The following DENND4A variants were observed in gnomAD, a reference collection of about 807,000 sequenced individuals.
The protein encoded by DENND4A is DENN domain containing 4A, also known as C-myc promoter-binding protein.
DENND4A carries 70 observed loss-of-function variants against 199.3 expected under a neutral mutation model. That is an observed-to-expected ratio of 0.35 (90% CI 0.29 to 0.43). DENND4A has a LOEUF of 0.43. Ranked by LOEUF, DENND4A falls within the 20% of genes least tolerant of loss-of-function variation. DENND4A has a pLI of 1.00. For synonymous variants in DENND4A, 686 were observed against 766.9 expected (o/e 0.89, Z 1.74); for missense variants, 1,723 against 2,255.8 (o/e 0.76, Z 4.78).
At position 65,733,640 on chromosome 15, in the gene DENND4A, T is replaced by C. The variant is rs150675478; in HGVS notation, c.1041-822A>G. 3.1e-3 allele frequency among the ~76,000 whole-genome samples: 469 copies of C among 152,260 alleles called. 2 individuals carry two copies. Among genetic ancestry groups the C allele is most frequent in the African/African-American group, 0.011 (450 of 41,572 alleles). On this transcript the variant is annotated intron_variant, in intron 7 of 32. Transcript: ENST00000443035. ...TAAAAAAGTCATAAAAAGCCACCAA[T>C]GTCTACCATTAATGTGGGGAAAAGC...
intron 1 of DENND4A, among the ~76,000 whole-genome samples, chr15:65,780,180 G>GTGTGCA (rs539253124): frequency 6.5e-4 from 99 of 152,292 alleles, no homozygotes; most frequent in African/African-American, 2.3e-3. Flanking sequence ...GGGATTACAG[G>GTGTGCA]TGTGCACCAC....
Position 65,756,354 on chromosome 15 carries a change from C to G in DENND4A, c.97G>C (p.Asp33His). 6 of 1,613,934 alleles carry G rather than the reference C, an allele frequency of 3.7e-6. No individual in the cohort carries two copies. Among genetic ancestry groups the G allele is most frequent in the Non-Finnish European group, 5.1e-6 (6 of 1,179,842 alleles). ...GGTTTAGCTACTTTATGACAAGCAT[C>G]ATTGAAGTGAATTTCTTCTTCTAGA... ...KPLEEEIHFN[D>H]ACHKVAKPKE... is the part of the protein sequence containing the mutation. The change falls in exon 3 of 33, where the codon GAT (aspartate) becomes CAT (histidine). Residue 33 changes from aspartate (D) to histidine (H), a missense_variant. Around this residue, in one of 6 missense-constraint regions of DENND4A, gnomAD observed 725 missense variants for 952.9 expected, o/e 0.76. Transcript: ENST00000443035.
In DENND4A at chr15:65,786,770, T is replaced by C. The variant is rs111758056; in HGVS notation, c.-102+5240A>G. 3.4e-3 allele frequency among the ~76,000 whole-genome samples: 521 copies of C among 152,262 alleles called. 5 individuals are homozygous for C. The highest frequency in any genetic ancestry group is 0.012 in the African/African-American group (482 of 41,562). On this transcript the variant is annotated intron_variant, in intron 1 of 32. Coordinates refer to ENST00000443035, the MANE Select transcript of DENND4A (RefSeq NM_001320835.1). The stretch of plus-strand genomic sequence containing the variant: ...CACACCAAGGGAGTATGATTTGAAA[T>C]GTACTACAATGTGCATGTTCTACAA...
chr15:65,689,529 A>G (rs965153912), intron 23 of DENND4A, among the ~76,000 whole-genome samples: 3 of 152,158 alleles, frequency 2.0e-5, no homozygotes, highest in East Asian at 1.9e-4. Flanking sequence ...CTAGGTTGCA[A>G]TTTTGGTCAG....
At chr15:65,747,500 G>A (rs566706449) in intron 4 of DENND4A, among the ~76,000 whole-genome samples, 4 of 152,222 alleles carry the variant, frequency 2.6e-5, no homozygotes, top group African/African-American at 4.8e-5. Flanking sequence ...GTCAGAGATA[G>A]GGTACAGACC....
intron 5 of DENND4A, 150 bp downstream of exon 5, chr15:65,741,565 T>C: frequency 3.9e-6 from 2 of 512,832 alleles, no homozygotes; most frequent in Non-Finnish European, 6.7e-6. Context: ...CCAATAAACA[T>C]ATAAGTGAAG....
intron 1 of DENND4A, chr15:65,771,293 G>A: frequency 6.3e-7 from 1 of 1,587,702 alleles, no homozygotes; most frequent in Non-Finnish European, 8.6e-7. Context: ...CTGCATATCT[G>A]TTTTTTGTTG....
At chr15:65,753,346 A>C (rs1243199403) in intron 3 of DENND4A, among the ~76,000 whole-genome samples, 2 of 152,144 alleles carry the variant, frequency 1.3e-5, no homozygotes, top group African/African-American at 4.8e-5. Flanking sequence ...ATAAAAATAA[A>C]ATAAGCTATA....
At chr15:65,775,379 G>C (rs575643145) in intron 1 of DENND4A, among the ~76,000 whole-genome samples, 1 of 150,902 alleles carries the variant, frequency 6.6e-6, no homozygotes, top group Non-Finnish European at 1.5e-5. Context: ...GGTGGCTCAC[G>C]TCTGTAATCC....
In DENND4A at chr15:65,665,335, T is replaced by C. The variant is rs745943545; in HGVS notation, c.5359+10A>G. On this transcript the variant is annotated intron_variant, in intron 30 of 32. Transcript: ENST00000443035. ...TATGAACAAAGTCAGCATTCTATGA[T>C]GGCACTTACTGTGTGCATTCCAGAG... 1.9e-6 allele frequency: 3 copies of C among 1,602,334 alleles called. No homozygotes were observed. Among genetic ancestry groups the C allele is most frequent in the Admixed American group, 3.3e-5 (2 of 59,720 alleles).
At chr15:65,742,957 C>T (rs2076298062) in intron 4 of DENND4A, among the ~76,000 whole-genome samples, 1 of 152,086 alleles carries the variant, frequency 6.6e-6, no homozygotes, top group African/African-American at 2.4e-5. Context: ...TTATGAAACA[C>T]ATTCCTTACA....
chr15:65,708,051 C>T (rs978747985), intron 14 of DENND4A, among the ~76,000 whole-genome samples: 2 of 151,990 alleles, frequency 1.3e-5, no homozygotes, highest in Non-Finnish European at 2.9e-5. Flanking sequence ...GGCTAAAATG[C>T]CATGATGCAA....
chr15:65,663,376 A>C (rs2075934715), intron 32 of DENND4A, among the ~76,000 whole-genome samples: 1 of 151,016 alleles, frequency 6.6e-6, no homozygotes, highest in Admixed American at 6.6e-5. Flanking sequence ...CGCCTGGCTA[A>C]TTTTGTATTT....
At chr15:65,703,288 A>G (rs1313200760) in intron 15 of DENND4A, among the ~76,000 whole-genome samples, 2 of 152,260 alleles carry the variant, frequency 1.3e-5, no homozygotes, top group African/African-American at 4.8e-5. Flanking sequence ...AGGTAACTTT[A>G]GCAAACTTTT....
intron 1 of DENND4A, among the ~76,000 whole-genome samples, chr15:65,762,610 C>A (rs1026995985): frequency 6.6e-6 from 1 of 152,098 alleles, no homozygotes; most frequent in African/African-American, 2.4e-5. Context: ...GCCTGGGTAA[C>A]AGAGTAAAGC....
At chr15:65,753,829 C>A (rs914213036) in intron 3 of DENND4A, 4 of 145,476 alleles carry the variant, frequency 2.7e-5, no homozygotes, top group Admixed American at 2.7e-4. Context: ...TTATTTCTTT[C>A]TTTCTTTTTT....
At chr15:65,692,408 T>C (rs1026280037) in intron 22 of DENND4A, among the ~76,000 whole-genome samples, 2 of 152,220 alleles carry the variant, frequency 1.3e-5, no homozygotes, top group Non-Finnish European at 2.9e-5. Context: ...TAATTGTTCT[T>C]ACTATATGTG....
intron 1 of DENND4A, among the ~76,000 whole-genome samples, chr15:65,765,361 C>G (rs532441898): frequency 5.3e-5 from 8 of 152,228 alleles, no homozygotes; most frequent in Non-Finnish European, 1.2e-4. Flanking sequence ...GTGCTTCCTG[C>G]AGCTACATGT....
At chr15:65,764,054 T>C (rs1368955966) in intron 1 of DENND4A, among the ~76,000 whole-genome samples, 1 of 152,226 alleles carries the variant, frequency 6.6e-6, no homozygotes, top group Non-Finnish European at 1.5e-5. Context: ...ATTTTATTGG[T>C]AGAATATCAG....
Sources: allele counts gnomAD v4.1 joint callset (sites outside exome capture counted in the v4.1 genomes callset), GRCh38; gene constraint gnomAD v4.1.1; regional missense constraint gnomAD v4.1.1; transcripts MANE v1.5; gene names NCBI Gene and HGNC (gene_info 2026-07-23, HGNC 2026-07-21).